Variants in ERP44 observed in about 807,000 individuals in gnomAD.
ERP44 encodes the protein endoplasmic reticulum resident protein 44.
In ERP44, 25 loss-of-function variants were observed where a neutral mutation model predicts 53.4. The ratio of observed to expected loss-of-function variants is 0.47; its 90% CI spans 0.34 to 0.65. The LOEUF is 0.65. Ranked by LOEUF, ERP44 falls within the 30% of genes least tolerant of loss-of-function variation. The probability of loss-of-function intolerance (pLI) is 0.01; values close to 1 mark genes in which losing one functional copy is unlikely to be tolerated. For missense variants in ERP44, 338 were observed against 493.2 expected (o/e 0.69, Z 2.98); for synonymous variants, 145 against 161.2 (o/e 0.90, Z 0.76).
chr9:100,088,082 G>A (rs978583846), intron 1 of ERP44, among the ~76,000 whole-genome samples: 2 of 152,048 alleles, frequency 1.3e-5, no homozygotes, highest in Non-Finnish European at 1.5e-5. Context: ...CCCAACAGAG[G>A]CAAATGGGGC....
chr9:100,063,500 G>A (rs570904637), intron 1 of ERP44, among the ~76,000 whole-genome samples: 8 of 152,130 alleles, frequency 5.3e-5, no homozygotes, highest in South Asian at 4.1e-4. Flanking sequence ...AGATTCTCCC[G>A]GGAAAACATC....
intron 10 of ERP44, chr9:99,998,471 C>A: frequency 1.4e-6 from 1 of 703,714 alleles, no homozygotes; most frequent in East Asian, 2.6e-5. Context: ...CCTCTGCACT[C>A]TTCCTGGTCT....
At chr9:100,060,022 TG>T in intron 2 of ERP44, 77 bp downstream of exon 2, 2 of 1,184,338 alleles carry the variant, frequency 1.7e-6, no homozygotes, top group Non-Finnish European at 2.2e-6. Context: ...GAGATTTTAT[TG>T]GGTTTTTTTT....
chr9:100,088,356 A>G (rs1425279417), intron 1 of ERP44, among the ~76,000 whole-genome samples: 1 of 152,100 alleles, frequency 6.6e-6, no homozygotes, highest in Non-Finnish European at 1.5e-5. Flanking sequence ...TGCCTGGGAC[A>G]CTCCCACATT....
chr9:99,999,964 G>A (rs1438703796), intron 10 of ERP44, among the ~76,000 whole-genome samples: 1 of 151,864 alleles, frequency 6.6e-6, no homozygotes, highest in Admixed American at 6.6e-5. Context: ...TCTCTTTTTG[G>A]TGCTGGGAAA....
chr9:100,014,335 G>A (rs1830507413), intron 8 of ERP44, among the ~76,000 whole-genome samples: 1 of 152,110 alleles, frequency 6.6e-6, no homozygotes, highest in Non-Finnish European at 1.5e-5. Flanking sequence ...GCCCAGGCTG[G>A]AGTGCAGTGG....
At chr9:100,053,665 G>A (rs760167890) in intron 3 of ERP44, among the ~76,000 whole-genome samples, 33 of 152,056 alleles carry the variant, frequency 2.2e-4, no homozygotes, top group Non-Finnish European at 4.1e-4. Flanking sequence ...GTAAAAATAC[G>A]GTATTATATA....
intron 1 of ERP44, among the ~76,000 whole-genome samples, chr9:100,092,769 T>C (rs1479139924): frequency 6.6e-6 from 1 of 152,152 alleles, no homozygotes; most frequent in East Asian, 1.9e-4. Context: ...TCAACTTTGG[T>C]TGTAATCAAA....
intron 1 of ERP44, among the ~76,000 whole-genome samples, chr9:100,078,015 A>G (rs1826377936): frequency 6.6e-6 from 1 of 152,266 alleles, no homozygotes; most frequent in South Asian, 2.1e-4. Context: ...TGCTGAAAGC[A>G]AAGGAAATAC....
chr9:99,984,299 G>C (rs905591295), intron 11 of ERP44, among the ~76,000 whole-genome samples: 1 of 151,960 alleles, frequency 6.6e-6, no homozygotes. Flanking sequence ...ATGGTAATAG[G>C]CATGATAGAA....
intron 1 of ERP44, among the ~76,000 whole-genome samples, chr9:100,062,004 A>G (rs1826155839): frequency 6.6e-6 from 1 of 152,150 alleles, no homozygotes; most frequent in Non-Finnish European, 1.5e-5. Context: ...ATTCTCTGAC[A>G]TTACTCTAAA....
At chr9:100,087,912 AT>A (rs1826504058) in intron 1 of ERP44, among the ~76,000 whole-genome samples, 1 of 152,198 alleles carries the variant, frequency 6.6e-6, no homozygotes, top group Admixed American at 6.5e-5. Flanking sequence ...TTTTTTCTTC[AT>A]TATGCTTTTC....
chr9:100,054,998 A>G (rs1370660770), intron 3 of ERP44, among the ~76,000 whole-genome samples: 1 of 152,176 alleles, frequency 6.6e-6, no homozygotes, highest in East Asian at 1.9e-4. Flanking sequence ...TTTTGAGGGC[A>G]CTTACTAATA....
Position 99,982,424 on chromosome 9 carries a change from T to TTA in ERP44, c.*187_*188insTA, listed in dbSNP as rs1446412274. ...TTTTTAAATCCTAGCAGGTTTTTTT[T>TTA]TTTTAAGAGGCTACTATATTAAATG... On this transcript the variant is annotated 3_prime_UTR_variant, in exon 12 of 12. Transcript: ENST00000262455. 3.5e-6 allele frequency: 1 copy of TTA among 287,020 alleles called. No individual in the cohort carries two copies. Among genetic ancestry groups the TTA allele is most frequent in the African/African-American group, 2.2e-5 (1 of 45,650 alleles). The allele number at this position is 287,020 out of a possible 1,614,324, so 17.8% of individuals were successfully genotyped here.
intron 10 of ERP44, among the ~76,000 whole-genome samples, chr9:100,000,435 CA>C (rs34304276): frequency 0.47 from 58,800 of 123,856 alleles, 13,120 homozygotes; most frequent in East Asian, 0.86. Flanking sequence ...GATCCTGTAT[CA>C]AAAAAAAAAA....
intron 1 of ERP44, among the ~76,000 whole-genome samples, chr9:100,092,852 T>C (rs753338737): frequency 1.3e-5 from 2 of 152,228 alleles, no homozygotes; most frequent in Non-Finnish European, 2.9e-5. Flanking sequence ...CACTCACTAC[T>C]GATGAGAGTG....
chr9:100,011,801 A>T (rs911192584), intron 8 of ERP44, among the ~76,000 whole-genome samples: 2 of 152,168 alleles, frequency 1.3e-5, no homozygotes, highest in African/African-American at 2.4e-5. Flanking sequence ...ATAAAAAAAT[A>T]CTCTGGTCAC....
chr9:100,009,598 A>T (rs892706042), intron 8 of ERP44, among the ~76,000 whole-genome samples: 1 of 151,958 alleles, frequency 6.6e-6, no homozygotes, highest in Non-Finnish European at 1.5e-5. Flanking sequence ...GGTCTCAATG[A>T]CTGTCTTTGG....
intron 1 of ERP44, among the ~76,000 whole-genome samples, chr9:100,079,465 A>T (rs892921002): frequency 1.4e-5 from 2 of 145,192 alleles, no homozygotes; most frequent in African/African-American, 5.0e-5. Context: ...CAGACACCCT[A>T]TTAGTTCTGC....
Sources: allele counts gnomAD v4.1 joint callset (sites outside exome capture counted in the v4.1 genomes callset), GRCh38; gene constraint gnomAD v4.1.1; transcripts MANE v1.5; gene names NCBI Gene and HGNC (gene_info 2026-07-23, HGNC 2026-07-21).